Variants in CALCR observed in about 807,000 individuals in gnomAD.
CALCR encodes calcitonin receptor.
CALCR carries 47 observed loss-of-function variants against 59.5 expected under a neutral mutation model. That is an observed-to-expected ratio of 0.79 (90% confidence interval 0.63 to 1.01). The LOEUF is 1.01. Among genes scored for constraint, CALCR ranks in the 50% least tolerant of loss-of-function variants. The pLI, the probability that CALCR is intolerant of heterozygous loss-of-function variation, is 0.00. For synonymous variants in CALCR, 213 were observed against 211.3 expected, an observed-to-expected ratio of 1.01 and a Z score of -0.07; for missense variants, 566 against 597.1, an observed-to-expected ratio of 0.95 and a Z score of 0.54.
At chr7:93,511,651 C>A (rs561438290) in intron 2 of CALCR, among the ~76,000 whole-genome samples, 1 of 151,986 alleles carries the variant, frequency 6.6e-6, no homozygotes, top group Non-Finnish European at 1.5e-5. Flanking sequence ...AGTTGTTGGA[C>A]TTTTCAGACC....
intron 2 of CALCR, among the ~76,000 whole-genome samples, chr7:93,560,520 A>T (rs1789720653): frequency 6.6e-6 from 1 of 152,104 alleles, no homozygotes; most frequent in Admixed American, 6.6e-5. Flanking sequence ...GCACTGTAGG[A>T]TCCTACTTTT....
intron 2 of CALCR, among the ~76,000 whole-genome samples, chr7:93,572,773 T>G (rs554861604): frequency 2.8e-4 from 43 of 152,348 alleles, no homozygotes; most frequent in African/African-American, 8.9e-4. Context: ...CAGCTATTTC[T>G]TTTTAACTTT....
rs1273599635 is a variant in CALCR, at chr7:93,424,736, T to A, written c.*1620A>T. 6.6e-6 allele frequency: 1 copy of A among 152,628 alleles called. No individual in the cohort carries two copies. Among genetic ancestry groups the A allele is most frequent in the African/African-American group, 2.4e-5 (1 of 41,458 alleles). 9.5% of individuals were successfully genotyped at this position (152,628 alleles called of 1,614,324 possible). On this transcript the variant is annotated 3_prime_UTR_variant, in exon 14 of 14. Transcript: ENST00000426151. ...TGTACCACAGCTGCCAGAAATACTCTGTTTTCCATGTTTGTAAACAAAAAT... is the reference window on the plus strand; with the variant it reads ...TGTACCACAGCTGCCAGAAATACTCAGTTTTCCATGTTTGTAAACAAAAAT...
At chr7:93,520,006 G>A (rs1005553705) in intron 2 of CALCR, among the ~76,000 whole-genome samples, 2 of 151,932 alleles carry the variant, frequency 1.3e-5, no homozygotes, top group African/African-American at 2.4e-5. Context: ...AACTGATACA[G>A]TCTATCTTCA....
In CALCR at chr7:93,469,280, A is replaced by C. The variant is rs958422281; in HGVS notation, c.430-474T>G. ...GTTTAAAATGATATCATTAGTATTT[A>C]GTTGGTTGAAGCCGAAACCTTTCCC... On this transcript the variant is annotated intron_variant, in intron 6 of 13. Transcript: ENST00000426151. 7.3e-5 allele frequency among the ~76,000 whole-genome samples: 11 copies of C among 150,932 alleles called. 1 individual carries two copies. The South Asian group carries it at 2.3e-3, about 32-fold the overall frequency.
At chr7:93,532,095 A>G (rs566598236) in intron 2 of CALCR, among the ~76,000 whole-genome samples, 20 of 152,224 alleles carry the variant, frequency 1.3e-4, no homozygotes, top group Non-Finnish European at 2.4e-4. Context: ...ATTGATAGCC[A>G]TAAAGAAATA....
At chr7:93,537,171 G>A (rs999360793) in intron 2 of CALCR, among the ~76,000 whole-genome samples, 3 of 151,494 alleles carry the variant, frequency 2.0e-5, no homozygotes, top group African/African-American at 7.3e-5. Flanking sequence ...TTTTAAATAA[G>A]CATTCATATA....
intron 2 of CALCR, among the ~76,000 whole-genome samples, chr7:93,566,891 C>A (rs1050227770): frequency 2.0e-5 from 3 of 152,112 alleles, no homozygotes; most frequent in Non-Finnish European, 2.9e-5. Context: ...GGATTAATTG[C>A]TTTCAGGGCT....
intron 3 of CALCR, chr7:93,482,656 T>C (rs1180913269): frequency 2.5e-6 from 1 of 393,692 alleles, no homozygotes; most frequent in Non-Finnish European, 5.1e-6. Flanking sequence ...TATGCTTGTA[T>C]TTTCAATTAT....
At chr7:93,483,987 A>G (rs763661184) in intron 3 of CALCR, 12 of 522,572 alleles carry the variant, frequency 2.3e-5, no homozygotes, top group South Asian at 1.6e-4. Context: ...GTTCAAGTAA[A>G]TGGCGTCACA....
intron 2 of CALCR, among the ~76,000 whole-genome samples, chr7:93,500,564 T>A (rs1801301364): frequency 6.6e-6 from 1 of 152,020 alleles, no homozygotes; most frequent in South Asian, 2.1e-4. Context: ...ATAACCTTGC[T>A]ATGCATTGTA....
At chr7:93,518,881 A>G (rs1167070786) in intron 2 of CALCR, among the ~76,000 whole-genome samples, 1 of 139,660 alleles carries the variant, frequency 7.2e-6, no homozygotes, top group Non-Finnish European at 1.6e-5. Flanking sequence ...TTACCAAGAT[A>G]TATCTGGAAT....
chr7:93,462,492 A>G (rs1488844644), intron 7 of CALCR, among the ~76,000 whole-genome samples: 1 of 152,144 alleles, frequency 6.6e-6, no homozygotes, highest in African/African-American at 2.4e-5. Flanking sequence ...ATAAACTTCC[A>G]TCTGGTGACT....
At chr7:93,524,881 G>A (rs1801844846) in intron 2 of CALCR, among the ~76,000 whole-genome samples, 1 of 151,996 alleles carries the variant, frequency 6.6e-6, no homozygotes. Flanking sequence ...CAAAACTAAA[G>A]TTTTTAGGGC....
In CALCR at chr7:93,426,095, G is replaced by T. The variant is rs1799520185; in HGVS notation, c.*261C>A. 2 of 373,624 alleles carry T rather than the reference G, an allele frequency of 5.4e-6. No individual in the cohort carries two copies. Among genetic ancestry groups the T allele is most frequent in the African/African-American group, 4.1e-5 (2 of 48,658 alleles). The allele number at this position is 373,624 out of a possible 1,614,324, so 23.1% of individuals were successfully genotyped here. ...ATTGTTTTTCTTTGATACTTTGCTT[G>T]CATTACTGTGACATTTGCATCTCAG... On this transcript the variant is annotated 3_prime_UTR_variant, in exon 14 of 14. Transcript: ENST00000426151.
chr7:93,529,311 A>G (rs1379403709), intron 2 of CALCR, among the ~76,000 whole-genome samples: 3 of 151,942 alleles, frequency 2.0e-5, no homozygotes, highest in Non-Finnish European at 2.9e-5. Context: ...TCCTGCTCCC[A>G]CCGTGTAAGA....
At chr7:93,501,930 G>T (rs545091767) in intron 2 of CALCR, among the ~76,000 whole-genome samples, 24 of 152,200 alleles carry the variant, frequency 1.6e-4, no homozygotes, top group African/African-American at 5.1e-4. Flanking sequence ...ATTGCTGCCA[G>T]GTGGGTGACA....
At chr7:93,551,445 C>T (rs879526659) in intron 2 of CALCR, among the ~76,000 whole-genome samples, 1 of 152,172 alleles carries the variant, frequency 6.6e-6, no homozygotes, top group African/African-American at 2.4e-5. Context: ...TTCACATGCT[C>T]ATAATCAATT....
chr7:93,533,793 T>G (rs1390427504), intron 2 of CALCR, among the ~76,000 whole-genome samples: 1 of 151,780 alleles, frequency 6.6e-6, no homozygotes, highest in African/African-American at 2.4e-5. Context: ...TTTTTCTCCT[T>G]TCCCAGTAAA....
Sources: gnomAD v4.1 joint callset for allele counts (sites outside exome capture counted in the v4.1 genomes callset) on GRCh38, gnomAD v4.1.1 for gene constraint, MANE v1.5 for transcripts, NCBI Gene and HGNC (gene_info 2026-07-23, HGNC 2026-07-21) for gene names.